The following TMEFF2 variants were observed in gnomAD, a reference collection of about 807,000 sequenced individuals.
TMEFF2 encodes tomoregulin-2.
In TMEFF2, 28 loss-of-function variants were observed where a neutral mutation model predicts 53.8. That is an observed-to-expected ratio of 0.52 (90% CI 0.39 to 0.71). The LOEUF is 0.71. Ranked by LOEUF, TMEFF2 falls within the 30% of genes least tolerant of loss-of-function variation. TMEFF2 has a pLI of 0.00. For synonymous variants in TMEFF2, 162 were observed against 166.3 expected, an observed-to-expected ratio of 0.97 and a Z score of 0.20; for missense variants, 353 against 455.2, an observed-to-expected ratio of 0.78 and a Z score of 2.04.
Position 191,985,584 on chromosome 2 carries a change from C to T in TMEFF2, c.745+12678G>A, listed in dbSNP as rs536882031. Among the ~76,000 whole-genome samples the T allele has an allele frequency of 4.5e-4, 68 of 152,230 alleles. No homozygotes were observed. In the South Asian group the frequency reaches 0.013, roughly 29 times the overall value. ...CAAATTTATCAGACAACTTATTAACCAACTCCTCCTTCTTAGATATTTTTC... is the reference window on the plus strand; with the variant it reads ...CAAATTTATCAGACAACTTATTAACTAACTCCTCCTTCTTAGATATTTTTC... On this transcript the variant is annotated intron_variant, in intron 7 of 9. Transcript: ENST00000272771.
At chr2:192,070,637 G>A (rs903773075) in intron 4 of TMEFF2, among the ~76,000 whole-genome samples, 1 of 151,810 alleles carries the variant, frequency 6.6e-6, no homozygotes, top group Non-Finnish European at 1.5e-5. Flanking sequence ...CATTGCCAGG[G>A]ATTTACACAT....
chr2:192,107,253 T>TC (rs1689170515), intron 4 of TMEFF2, among the ~76,000 whole-genome samples: 1 of 151,754 alleles, frequency 6.6e-6, no homozygotes, highest in Admixed American at 6.6e-5. Flanking sequence ...CACTACTGAT[T>TC]CAATACCCAT....
chr2:192,022,705 T>C (rs1686883990), intron 5 of TMEFF2, among the ~76,000 whole-genome samples: 1 of 152,178 alleles, frequency 6.6e-6, no homozygotes, highest in Admixed American at 6.5e-5. Context: ...TTGCCTGAGA[T>C]TTTTTCTTTT....
At chr2:191,959,956 C>CA (rs1369705940) in intron 7 of TMEFF2, among the ~76,000 whole-genome samples, 1 of 152,072 alleles carries the variant, frequency 6.6e-6, no homozygotes, top group Non-Finnish European at 1.5e-5. Flanking sequence ...GGCTCACTAC[C>CA]ACCTCCACCT....
At chr2:192,111,164 A>C (rs1302493396) in intron 4 of TMEFF2, among the ~76,000 whole-genome samples, 7 of 152,132 alleles carry the variant, frequency 4.6e-5, no homozygotes, top group Admixed American at 6.6e-5. Context: ...AAAAATGTGA[A>C]AGCGACTTTG....
chr2:191,953,784 A>G lies in TMEFF2; in HGVS notation c.923T>C (p.Leu308Pro), dbSNP rs1477050688. 2 of 1,613,852 alleles carry G rather than the reference A, an allele frequency of 1.2e-6. No individual in the cohort carries two copies. Among genetic ancestry groups the G allele is most frequent in the Non-Finnish European group, 8.5e-7 (1 of 1,179,898 alleles). ...QHCEKKDYSV[L>P]YVVPGPVRFQ... ...TCGTACAGGACCGGGAACAACGTAT[A>G]GAACACTGTAGTCCTTTTTTTCACA... The change falls in exon 9 of 10, where the codon CTA becomes CCA. Residue 308 changes from leucine (L) to proline (P), a missense_variant. Around this residue, in one of 3 missense-constraint regions of TMEFF2, gnomAD observed 294 missense variants for 397.3 expected, o/e 0.74. Transcript: ENST00000272771.
At chr2:192,182,299 C>A (rs1043501143) in intron 3 of TMEFF2, among the ~76,000 whole-genome samples, 1 of 151,664 alleles carries the variant, frequency 6.6e-6, no homozygotes, top group Non-Finnish European at 1.5e-5. Flanking sequence ...AAGTCAGAAC[C>A]CCAATTTATT....
intron 5 of TMEFF2, among the ~76,000 whole-genome samples, chr2:192,012,309 T>C (rs1002053549): frequency 7.9e-5 from 12 of 152,256 alleles, no homozygotes. Context: ...TAGCTTATAG[T>C]TGATTACAAT....
In TMEFF2 at chr2:192,120,435, C is replaced by T. The variant is rs559246689; in HGVS notation, c.439+59233G>A. 3.3e-4 allele frequency among the ~76,000 whole-genome samples: 51 copies of T among 152,296 alleles called. No individual in the cohort carries two copies. In the Middle Eastern group the frequency reaches 0.014, roughly 41 times the overall value. ...ATTACATGCATGTTTACCTATTGTGCGTGTGCTCAACACTGCTCATAAATA... is the reference window on the plus strand; with the variant it reads ...ATTACATGCATGTTTACCTATTGTGTGTGTGCTCAACACTGCTCATAAATA... On this transcript the variant is annotated intron_variant, in intron 4 of 9. Transcript: ENST00000272771.
intron 4 of TMEFF2, among the ~76,000 whole-genome samples, chr2:192,093,936 G>A (rs1222410945): frequency 2.0e-5 from 3 of 152,172 alleles, no homozygotes; most frequent in African/African-American, 4.8e-5. Context: ...CTAAGTTGAG[G>A]CTGGTCTTAG....
intron 4 of TMEFF2, among the ~76,000 whole-genome samples, chr2:192,112,555 C>T (rs1689308155): frequency 2.0e-5 from 3 of 152,106 alleles, no homozygotes; most frequent in Admixed American, 6.6e-5. Flanking sequence ...TCCGATGAGA[C>T]TTTGGACTCT....
chr2:192,189,555 C>CAAAAAAAAAAA (rs58455898), intron 2 of TMEFF2, among the ~76,000 whole-genome samples: 754 of 40,978 alleles, frequency 0.018, 22 homozygotes, highest in East Asian at 0.035. Flanking sequence ...CCAAAAATTC[C>CAAAAAAAAAAA]AAAAAAAAAA....
At chr2:191,982,156 T>C (rs368033528) in intron 7 of TMEFF2, among the ~76,000 whole-genome samples, 1 of 151,980 alleles carries the variant, frequency 6.6e-6, no homozygotes, top group African/African-American at 2.4e-5. Flanking sequence ...TTTATGCAAA[T>C]TCTGGGAAAA....
intron 5 of TMEFF2, among the ~76,000 whole-genome samples, chr2:192,020,522 A>G (rs1686836562): frequency 6.6e-6 from 1 of 152,108 alleles, no homozygotes; most frequent in Admixed American, 6.5e-5. Context: ...ATTTTCAACT[A>G]TATTTGAGAA....
chr2:192,192,166 C>T (rs932908355), intron 1 of TMEFF2, among the ~76,000 whole-genome samples, 177 bp from the exon 2 acceptor site: 1 of 152,144 alleles, frequency 6.6e-6, no homozygotes, highest in Non-Finnish European at 1.5e-5. Context: ...GATCAATATT[C>T]GTTTCCATTT....
rs1689049503 is a variant in TMEFF2, at chr2:192,102,371, C to CAAAGTCTT, written c.440-44604_440-44597dup. On this transcript the variant is annotated intron_variant, in intron 4 of 9. Coordinates refer to ENST00000272771, the MANE Select transcript of TMEFF2 (RefSeq NM_016192.4). ...ATTTTCTTTCACTCAGAATAAAACA[C>CAAAGTCTT]AAAGTCTTAACCATGGTTGTGTATA... Among the ~76,000 whole-genome samples, 2 of 152,214 alleles carry CAAAGTCTT rather than the reference C, an allele frequency of 1.3e-5. 1 individual carries two copies. Among genetic ancestry groups the CAAAGTCTT allele is most frequent in the Middle Eastern group, 6.8e-3 (2 of 294 alleles).
At chr2:192,165,793 C>T (rs1265175448) in intron 4 of TMEFF2, among the ~76,000 whole-genome samples, 1 of 151,700 alleles carries the variant, frequency 6.6e-6, no homozygotes, top group African/African-American at 2.4e-5. Context: ...GCTCCCTCAG[C>T]ATTAGCAGTA....
chr2:192,162,165 G>C (rs1439556783), intron 4 of TMEFF2, among the ~76,000 whole-genome samples: 1 of 152,080 alleles, frequency 6.6e-6, no homozygotes, highest in Non-Finnish European at 1.5e-5. Context: ...AACTTACTTA[G>C]GAGACACTTA....
chr2:191,956,327 G>A lies in TMEFF2; in HGVS notation c.797C>T (p.Pro266Leu), dbSNP rs749549984. The change falls in exon 8 of 10, where the codon CCG (proline) becomes CTG (leucine). Residue 266 changes from proline (P) to leucine (L), a missense_variant. Transcript: ENST00000272771. ...CATGCAGAAGCCATTGTAATGTTCCGGACAAGGTATGTGGTGTTCTCTGGC... is the reference window on the plus strand; with the variant it reads ...CATGCAGAAGCCATTGTAATGTTCCAGACAAGGTATGTGGTGTTCTCTGGC... ...ESAREHHIPCPEHYNGFCMHG... is the reference protein window; with the variant it reads ...ESAREHHIPCLEHYNGFCMHG... 39 of 1,613,816 alleles carry A rather than the reference G, an allele frequency of 2.4e-5. No homozygotes were observed. The highest frequency in any genetic ancestry group is 3.1e-5 in the Non-Finnish European group (36 of 1,179,940).
Sources: allele counts gnomAD v4.1 joint callset (sites outside exome capture counted in the v4.1 genomes callset), GRCh38; gene constraint gnomAD v4.1.1; regional missense constraint gnomAD v4.1.1; transcripts MANE v1.5; gene names NCBI Gene and HGNC (gene_info 2026-07-23, HGNC 2026-07-21).